CREB3L2: variants seen among roughly 807,000 people sequenced by gnomAD.
The protein encoded by CREB3L2 is cAMP responsive element binding protein 3 like 2.
A neutral mutation model predicts 57.2 loss-of-function variants in CREB3L2; 23 were observed. That is an observed-to-expected ratio of 0.40 (90% CI 0.29 to 0.57). The LOEUF (loss-of-function observed/expected upper bound fraction) is 0.57, where lower values mean the gene tolerates loss of function less well. Among genes scored for constraint, CREB3L2 ranks in the 20% least tolerant of loss-of-function variants. CREB3L2 has a pLI of 0.42. For synonymous variants in CREB3L2, 268 were observed against 265.1 expected (o/e 1.01, Z -0.11); for missense variants, 628 against 634.7 (o/e 0.99, Z 0.11).
intron 1 of CREB3L2, among the ~76,000 whole-genome samples, chr7:137,961,282 T>C (rs1801318225): frequency 6.6e-6 from 1 of 151,358 alleles, no homozygotes; most frequent in Non-Finnish European, 1.5e-5. Context: ...CTCAGTGTCC[T>C]TGCAGTCAAG....
At position 137,988,281 on chromosome 7, in the gene CREB3L2, G is replaced by A. The variant is rs143297921; in HGVS notation, c.102+13323C>T. 1.6e-4 allele frequency among the ~76,000 whole-genome samples: 24 copies of A among 152,392 alleles called. No homozygotes were observed. The East Asian group carries it at 4.0e-3, about 26-fold the overall frequency. On this transcript the variant is annotated intron_variant, in intron 1 of 11. Coordinates refer to ENST00000330387, the MANE Select transcript of CREB3L2 (RefSeq NM_194071.4). Reference sequence around the variant, plus strand: ...GCCACGGCACGTGGGAGGCACAAGAGGGGAGCAGGGATGTGTCTGGCCAGA... The same window carrying A: ...GCCACGGCACGTGGGAGGCACAAGAAGGGAGCAGGGATGTGTCTGGCCAGA...
chr7:137,955,232 A>G, intron 1 of CREB3L2: 1 of 1,262,374 alleles, frequency 7.9e-7, no homozygotes, highest in African/African-American at 1.5e-5. Context: ...GAGTACAGTA[A>G]GAATCCATCC....
chr7:137,923,349 C>A (rs182587614), intron 2 of CREB3L2, among the ~76,000 whole-genome samples: 1 of 152,194 alleles, frequency 6.6e-6, no homozygotes, highest in East Asian at 1.9e-4. Flanking sequence ...ACCAAAAAAG[C>A]GGAGGAATAG....
intron 6 of CREB3L2, among the ~76,000 whole-genome samples, chr7:137,904,908 C>T (rs1354984896): frequency 6.6e-6 from 1 of 151,318 alleles, no homozygotes; most frequent in East Asian, 1.9e-4. Context: ...CAGGCCAGAA[C>T]ATGTGGCTCA....
intron 8 of CREB3L2, among the ~76,000 whole-genome samples, chr7:137,889,690 T>G (rs776749476): frequency 6.6e-6 from 1 of 152,198 alleles, no homozygotes; most frequent in East Asian, 1.9e-4. Flanking sequence ...TCAGCAACAC[T>G]GAGGCATTTC....
Position 137,964,353 on chromosome 7 carries a change from A to C in CREB3L2, c.103-35987T>G, listed in dbSNP as rs188663360. On this transcript the variant is annotated intron_variant, in intron 1 of 11. Transcript: ENST00000330387. ...AACAAAGCAAAACAAACAAACAAAC[A>C]AACAAACCCTTGCTTAACCCACTAG... is the stretch of plus-strand genomic sequence containing the variant. Among the ~76,000 whole-genome samples the C allele has an allele frequency of 3.5e-3, 535 of 152,186 alleles. 4 individuals carry two copies. Among genetic ancestry groups the C allele is most frequent in the Non-Finnish European group, 6.1e-3 (412 of 67,994 alleles).
rs1802065120 is a variant in CREB3L2, at chr7:138,001,082, A to ACAC, written c.102+521_102+522insGTG. ...CTCCCTAACGTAGAGGAGCCCTTTC[A>ACAC]ACACACACACACACACACACACACA... On this transcript the variant is annotated intron_variant, in intron 1 of 11. Coordinates refer to ENST00000330387, the MANE Select transcript of CREB3L2 (RefSeq NM_194071.4). This position sits in a 1 kb window ranked among gnomAD's most constrained non-coding sequence, Gnocchi z 4.2. Among the ~76,000 whole-genome samples the ACAC allele has an allele frequency of 7.3e-6, 1 of 136,710 alleles. No individual in the cohort carries two copies. The highest frequency in any genetic ancestry group is 1.6e-5 in the Non-Finnish European group (1 of 63,152). The allele number at this position is 136,710 out of a possible 152,430, so 89.7% of individuals were successfully genotyped here.
At chr7:137,937,566 T>C (rs1800811980) in intron 1 of CREB3L2, among the ~76,000 whole-genome samples, 1 of 152,052 alleles carries the variant, frequency 6.6e-6, no homozygotes, top group African/African-American at 2.4e-5. Context: ...GAAAAAAAAA[T>C]GGCTCACAAG....
chr7:137,888,173 C>T (rs1359995615), intron 8 of CREB3L2, among the ~76,000 whole-genome samples: 1 of 152,120 alleles, frequency 6.6e-6, no homozygotes, highest in Admixed American at 6.5e-5. Flanking sequence ...CTTTGTTGCC[C>T]AGCTCGTCTG....
At chr7:137,885,728 C>A (rs1248610088) in intron 8 of CREB3L2, among the ~76,000 whole-genome samples, 1 of 152,194 alleles carries the variant, frequency 6.6e-6, no homozygotes, top group Non-Finnish European at 1.5e-5. Flanking sequence ...AAGTCCTGTT[C>A]TTGCACTGCC....
chr7:137,915,033 A>G (rs1800098046), intron 3 of CREB3L2, among the ~76,000 whole-genome samples: 2 of 152,174 alleles, frequency 1.3e-5, no homozygotes, highest in Non-Finnish European at 2.9e-5. Context: ...GGCTGCAGAT[A>G]GACATTCTAT....
At position 138,001,082 on chromosome 7, in the gene CREB3L2, AACACACACACACACACACACACACAC is replaced by A. The variant is rs59967148; in HGVS notation, c.102+496_102+521del. Reference sequence around the variant, plus strand: ...CTCCCTAACGTAGAGGAGCCCTTTCAACACACACACACACACACACACACACACACACACACACACACACGTGTACT... The same window carrying A: ...CTCCCTAACGTAGAGGAGCCCTTTCAACACACACACACACACACGTGTACT... On this transcript the variant is annotated intron_variant, in intron 1 of 11. Coordinates refer to ENST00000330387, the MANE Select transcript of CREB3L2 (RefSeq NM_194071.4). The surrounding 1 kb of genome is among the most constrained non-coding windows in gnomAD (Gnocchi z 4.2). Among the ~76,000 whole-genome samples the A allele has an allele frequency of 1.5e-5, 2 of 136,812 alleles. No individual in the cohort carries two copies. Among genetic ancestry groups the A allele is most frequent in the African/African-American group, 5.3e-5 (2 of 37,412 alleles). 89.8% of individuals were successfully genotyped at this position (136,812 alleles called of 152,430 possible).
chr7:137,911,463 T>C (rs955905111), intron 4 of CREB3L2, among the ~76,000 whole-genome samples: 1 of 152,256 alleles, frequency 6.6e-6, no homozygotes, highest in Non-Finnish European at 1.5e-5. Context: ...GTAGCAAATA[T>C]ACCTTTTCGG....
At chr7:137,946,478 A>G (rs183719410) in intron 1 of CREB3L2, among the ~76,000 whole-genome samples, 171 of 151,556 alleles carry the variant, frequency 1.1e-3, no homozygotes, top group African/African-American at 3.9e-3. Context: ...ATGCTCCTGA[A>G]AGAGGACCTT....
At chr7:137,995,762 A>C (rs894356821) in intron 1 of CREB3L2, among the ~76,000 whole-genome samples, 3 of 152,202 alleles carry the variant, frequency 2.0e-5, no homozygotes, top group Non-Finnish European at 4.4e-5. Context: ...TAGATGCTAT[A>C]TCTTATAACT....
chr7:137,971,908 C>T (rs188898650), intron 1 of CREB3L2, among the ~76,000 whole-genome samples: 1 of 148,856 alleles, frequency 6.7e-6, no homozygotes, highest in East Asian at 1.9e-4. Flanking sequence ...ATGGAGTAGC[C>T]ATTCTTTCAT....
chr7:137,992,759 T>C (rs1462732468), intron 1 of CREB3L2, among the ~76,000 whole-genome samples: 1 of 152,214 alleles, frequency 6.6e-6, no homozygotes, highest in Non-Finnish European at 1.5e-5. Context: ...CAGAGTGTCA[T>C]GGAAGCCAAA....
intron 1 of CREB3L2, among the ~76,000 whole-genome samples, chr7:137,971,515 G>A (rs1801506876): frequency 1.3e-5 from 2 of 152,018 alleles, no homozygotes; most frequent in South Asian, 4.2e-4. Context: ...CAACACTGCA[G>A]ACACCGCAGA....
intron 2 of CREB3L2, 138 bp from the exon 3 acceptor site, chr7:137,916,150 G>C (rs944360442): frequency 5.5e-5 from 34 of 617,432 alleles, no homozygotes; most frequent in Admixed American, 3.1e-4. Flanking sequence ...AATGAAATAT[G>C]TGAGGGAAAA....
Sources: allele counts gnomAD v4.1 joint callset (sites outside exome capture counted in the v4.1 genomes callset), GRCh38; gene constraint gnomAD v4.1.1; non-coding constraint Gnocchi (gnomAD v3.1); transcripts MANE v1.5; gene names NCBI Gene and HGNC (gene_info 2026-07-23, HGNC 2026-07-21).